The following PKHD1 variants were observed in gnomAD, a reference collection of about 807,000 sequenced individuals.
PKHD1 encodes the protein PKHD1 ciliary IPT domain containing fibrocystin/polyductin, also known as fibrocystin.
A neutral mutation model predicts 412.0 loss-of-function variants in PKHD1; 291 were observed. The observed-to-expected ratio is 0.71, with a 90% CI of 0.64 to 0.78. PKHD1 has a LOEUF of 0.78. PKHD1 is among the 30% of genes least tolerant of loss of function. The pLI, the probability that PKHD1 is intolerant of heterozygous loss-of-function variation, is 0.00. For synonymous variants in PKHD1, 1,777 were observed against 1,821.5 expected (o/e 0.98, Z 0.62); for missense variants, 4,825 against 4,950.7 (o/e 0.97, Z 0.76).
intron 60 of PKHD1, among the ~76,000 whole-genome samples, chr6:51,685,854 G>A (rs907698254): frequency 2.6e-5 from 4 of 152,108 alleles, no homozygotes; most frequent in Non-Finnish European, 5.9e-5. Flanking sequence ...GGTGTGAGGG[G>A]TGGAAGATAT....
rs1438081367 is a variant in PKHD1 at position 51,775,818 on chromosome 6, T to C, written c.8544A>G (p.Pro2848=). ...ATATTATACTCTTACCAATTGTTCCTGGGTCAATATGAATTCCATTCATAC... is the reference window on the plus strand; with the variant it reads ...ATATTATACTCTTACCAATTGTTCCCGGGTCAATATGAATTCCATTCATAC... ...CDRMNGIHID[P]GTIGVYGKVH... is the part of the protein sequence containing the mutation. The change falls in exon 54 of 67, where the codon CCA becomes CCG. Residue 2848 remains proline, a synonymous_variant. Transcript: ENST00000371117. 1 of 1,466,558 alleles carries C rather than the reference T, an allele frequency of 6.8e-7. No homozygotes were observed. 90.8% of individuals were successfully genotyped at this position (1,466,558 alleles called of 1,614,324 possible). A position where few individuals can be genotyped will look rare whatever the true frequency, so the allele number is the denominator to read the frequency against.
At chr6:51,725,006 A>T (rs1782397477) in intron 60 of PKHD1, among the ~76,000 whole-genome samples, 1 of 152,196 alleles carries the variant, frequency 6.6e-6, no homozygotes, top group African/African-American at 2.4e-5. Context: ...GAACTACTAC[A>T]AATGCACCTT....
intron 35 of PKHD1, among the ~76,000 whole-genome samples, chr6:51,986,029 A>G (rs1796172830): frequency 6.6e-6 from 1 of 152,218 alleles, no homozygotes; most frequent in South Asian, 2.1e-4. Context: ...TAATCAGCAT[A>G]TTTCCAGTTA....
At chr6:51,974,391 A>C (rs1282856252) in intron 35 of PKHD1, among the ~76,000 whole-genome samples, 2 of 152,220 alleles carry the variant, frequency 1.3e-5, no homozygotes, top group African/African-American at 4.8e-5. Context: ...GCTTAGTTTA[A>C]ATAATTATTT....
Position 51,870,536 on chromosome 6 carries a change from A to G in PKHD1, c.7454T>C (p.Ile2485Thr), listed in dbSNP as rs760835535. 15 of 1,612,268 alleles carry G rather than the reference A, an allele frequency of 9.3e-6. No individual in the cohort carries two copies. The East Asian group carries it at 3.1e-4, about 34-fold the overall frequency. ...TTGGGAACAGTCTGAACAGGTTCTA[A>G]TGGCCACACAGTTGATGAGATCAAA... Reference protein sequence around the residue: ...VNFDLINCVAIRTCSDCSQGQ... With the variant: ...VNFDLINCVATRTCSDCSQGQ... The change falls in exon 47 of 67, where the codon ATT (isoleucine) becomes ACT (threonine). Residue 2485 changes from isoleucine to threonine, a missense_variant. Physicochemically the swap from Ile to Thr is moderately conservative, Grantham distance 89. Transcript: ENST00000371117.
Position 51,744,552 on chromosome 6 carries a change from C to T in PKHD1, c.9999-10G>A. On this transcript the variant is annotated splice_polypyrimidine_tract_variant and intron_variant, in intron 59 of 66. Transcript: ENST00000371117. Reference sequence around the variant, plus strand: ...TTTTCCTAAATCTTTCCTGTGAAGACAGTCAAAAAGCAACTCTTTCATTTC... The same window carrying T: ...TTTTCCTAAATCTTTCCTGTGAAGATAGTCAAAAAGCAACTCTTTCATTTC... The T allele has an allele frequency of 6.2e-7, 1 of 1,609,314 alleles. No individual in the cohort carries two copies. Among genetic ancestry groups the T allele is most frequent in the African/African-American group, 1.3e-5 (1 of 74,908 alleles).
chr6:51,737,011 CTTTA>C (rs1783942111), intron 60 of PKHD1, among the ~76,000 whole-genome samples: 1 of 152,106 alleles, frequency 6.6e-6, no homozygotes, highest in South Asian at 2.1e-4. Flanking sequence ...CAAATGCCAG[CTTTA>C]TTTTCTTTTT....
chr6:51,996,220 A>G (rs1797700682), intron 35 of PKHD1, among the ~76,000 whole-genome samples: 2 of 135,010 alleles, frequency 1.5e-5, no homozygotes, highest in South Asian at 2.5e-4. Flanking sequence ...TGCATTGGCC[A>G]GGATAGTCTC....
intron 35 of PKHD1, among the ~76,000 whole-genome samples, chr6:51,983,377 C>T (rs1417356670): frequency 2.0e-5 from 3 of 152,174 alleles, no homozygotes; most frequent in African/African-American, 7.2e-5. Context: ...CATATGAGCA[C>T]ATAATCATAT....
chr6:51,958,133 G>C (rs935994907), intron 36 of PKHD1, among the ~76,000 whole-genome samples: 6 of 151,930 alleles, frequency 3.9e-5, no homozygotes, highest in African/African-American at 1.5e-4. Context: ...TTTCACTCTA[G>C]GTAGCTCTGT....
Position 52,033,033 on chromosome 6 carries a change from C to G in PKHD1, c.3361G>C (p.Ala1121Pro), listed in dbSNP as rs778961977. Reference protein sequence around the residue: ...VTLSRNISNIAGGETLVIGVA... With the variant: ...VTLSRNISNIPGGETLVIGVA... ...CTTGCAGTATCACATATTTTACCTG[C>G]TATATTGCTTATGTTTCTGCTCAGA... Residue 1121 changes from alanine to proline, a missense_variant, in exon 29 of 67, where the codon GCA becomes CCA. By Grantham distance (27) the Ala-to-Pro change is conservative. Coordinates refer to ENST00000371117, the MANE Select transcript of PKHD1 (RefSeq NM_138694.4). 12 of 1,611,714 alleles carry G rather than the reference C, an allele frequency of 7.4e-6. No homozygotes were observed. Among genetic ancestry groups the G allele is most frequent in the Non-Finnish European group, 1.0e-5 (12 of 1,178,094 alleles).
At chr6:51,784,847 A>G (rs1229182663) in intron 53 of PKHD1, among the ~76,000 whole-genome samples, 4 of 151,888 alleles carry the variant, frequency 2.6e-5, no homozygotes, top group African/African-American at 9.7e-5. Flanking sequence ...TCGCAGGTCT[A>G]GCTTTTTCTT....
chr6:52,015,315 A>G (rs1800386204), intron 34 of PKHD1, among the ~76,000 whole-genome samples: 1 of 152,220 alleles, frequency 6.6e-6, no homozygotes, highest in Non-Finnish European at 1.5e-5. Flanking sequence ...ACACATTTCT[A>G]TCTACTTTCT....
intron 64 of PKHD1, among the ~76,000 whole-genome samples, chr6:51,636,322 G>A (rs1323526981): frequency 1.3e-5 from 2 of 152,078 alleles, no homozygotes; most frequent in Non-Finnish European, 2.9e-5. Context: ...ATGCCAGCAT[G>A]AGCCCAGGGG....
chr6:51,993,934 C>G (rs1797363919), intron 35 of PKHD1, among the ~76,000 whole-genome samples: 1 of 151,980 alleles, frequency 6.6e-6, no homozygotes, highest in Non-Finnish European at 1.5e-5. Context: ...AAGTGTTCCA[C>G]AGAGAGCCAA....
chr6:51,995,769 G>T (rs555811695), intron 35 of PKHD1, among the ~76,000 whole-genome samples: 2 of 152,270 alleles, frequency 1.3e-5, no homozygotes, highest in South Asian at 4.1e-4. Context: ...ATTCTACGAG[G>T]TAGGAGTTGT....
At chr6:51,770,672 T>C (rs1232739146) in intron 55 of PKHD1, among the ~76,000 whole-genome samples, 1 of 151,952 alleles carries the variant, frequency 6.6e-6, no homozygotes, top group African/African-American at 2.4e-5. Context: ...TTATGGTTTC[T>C]TTCATTTTTT....
At chr6:51,856,175 C>G (rs1223521133) in intron 48 of PKHD1, 105 bp from the exon 49 acceptor site, 1 of 789,966 alleles carries the variant, frequency 1.3e-6, no homozygotes. Flanking sequence ...TCCATTCTCT[C>G]CACATATGTC....
intron 35 of PKHD1, among the ~76,000 whole-genome samples, chr6:51,997,379 C>T (rs1797833720): frequency 6.6e-6 from 1 of 152,152 alleles, no homozygotes; most frequent in African/African-American, 2.4e-5. Context: ...CCAATATAGT[C>T]TCTTTATCAA....
Sources: gnomAD v4.1 joint callset for allele counts (sites outside exome capture counted in the v4.1 genomes callset) on GRCh38, gnomAD v4.1.1 for gene constraint, MANE v1.5 for transcripts, NCBI Gene and HGNC (gene_info 2026-07-23, HGNC 2026-07-21) for gene names.